The following LMBRD2 variants were observed in gnomAD, a reference collection of about 807,000 sequenced individuals.
LMBRD2 encodes the protein LMBR1 domain containing 2.
Under a neutral mutation model 94.4 loss-of-function variants are expected in LMBRD2, and 55 were observed. The ratio of observed to expected loss-of-function variants is 0.58; its 90% CI spans 0.47 to 0.73. LMBRD2 has a LOEUF of 0.73. Among genes scored for constraint, LMBRD2 ranks in the 30% least tolerant of loss-of-function variants. The probability of loss-of-function intolerance (pLI) is 0.00; values close to 1 mark genes in which losing one functional copy is unlikely to be tolerated. For synonymous variants in LMBRD2, 246 were observed against 272.4 expected (o/e 0.90, Z 0.95); for missense variants, 640 against 831.9 (o/e 0.77, Z 2.84).
intron 15 of LMBRD2, among the ~76,000 whole-genome samples, chr5:36,109,255 T>C (rs1339894422): frequency 6.6e-6 from 1 of 152,106 alleles, no homozygotes; most frequent in Non-Finnish European, 1.5e-5. Context: ...TGTAATTTCC[T>C]ATGTCCGAGA....
intron 12 of LMBRD2, 133 bp downstream of exon 12, chr5:36,114,882 T>C: frequency 1.5e-6 from 1 of 668,694 alleles, no homozygotes; most frequent in South Asian, 1.9e-5. Context: ...TAGTAATACG[T>C]ATACAATCTT....
chr5:36,105,135 C>G lies in LMBRD2; in HGVS notation c.1960G>C (p.Asp654His). 2 of 1,612,640 alleles carry G rather than the reference C, an allele frequency of 1.2e-6. No individual in the cohort carries two copies. The highest frequency in any genetic ancestry group is 1.7e-6 in the Non-Finnish European group (2 of 1,178,916). The change falls in exon 17 of 18, where the codon GAT becomes CAT. Residue 654 changes from aspartate to histidine, a missense_variant. By Grantham distance (81) the Asp-to-His change is moderately conservative (BLOSUM62 -1). This residue lies in a region of LMBRD2 where 183 missense variants were observed against 189.1 expected (regional missense o/e 0.97). Coordinates refer to ENST00000296603, the MANE Select transcript of LMBRD2 (RefSeq NM_001007527.2). ...GCATTAAAATCCAAAGGTTCTGCAT[C>G]TTGGAGAAGTTCTATCCGGTCCCTT... ...TERDRIELLQ[D>H]AEPLDFNAET...
rs144153500 is a variant in LMBRD2, at chr5:36,115,516, T to C, written c.1437-396A>G. Among the ~76,000 whole-genome samples the C allele has an allele frequency of 2.6e-3, 396 of 152,358 alleles. 1 individual carries two copies. The highest frequency in any genetic ancestry group is 9.1e-3 in the African/African-American group (380 of 41,586). ...AAAGAACTGAAGTTGTATCAACATA[T>C]GTCATTCTGACAAGCACAGATATAA... On this transcript the variant is annotated intron_variant, in intron 11 of 17. Coordinates refer to ENST00000296603, the MANE Select transcript of LMBRD2 (RefSeq NM_001007527.2).
intron 9 of LMBRD2, among the ~76,000 whole-genome samples, chr5:36,118,526 T>C (rs1328123661): frequency 6.6e-6 from 1 of 152,112 alleles, no homozygotes; most frequent in African/African-American, 2.4e-5. Context: ...AGGCATCATG[T>C]CTGGATACAA....
At chr5:36,120,571 A>T (rs1256612543) in intron 9 of LMBRD2, among the ~76,000 whole-genome samples, 1 of 152,062 alleles carries the variant, frequency 6.6e-6, no homozygotes, top group Non-Finnish European at 1.5e-5. Context: ...AAATTCTATT[A>T]TATCATTTAC....
At chr5:36,133,744 T>G (rs1401248821) in intron 6 of LMBRD2, among the ~76,000 whole-genome samples, 1 of 152,134 alleles carries the variant, frequency 6.6e-6, no homozygotes, top group Non-Finnish European at 1.5e-5. Context: ...TTAAGAATAC[T>G]ATACTAAAAT....
intron 1 of LMBRD2, among the ~76,000 whole-genome samples, 167 bp from the exon 2 acceptor site, chr5:36,143,573 A>T (rs1744468296): frequency 6.6e-6 from 1 of 152,230 alleles, no homozygotes; most frequent in Non-Finnish European, 1.5e-5. Flanking sequence ...TCCTATCCTC[A>T]AGTACTTATA....
In LMBRD2 at chr5:36,099,566, T is replaced by C. The variant is rs114282835; in HGVS notation, c.*4480A>G. On this transcript the variant is annotated 3_prime_UTR_variant, in exon 18 of 18. Transcript: ENST00000296603. ...AGTAGGCTAATAACATTTATGTCAATATCAACTCTAAATGGTGTTGTACAG... is the reference window on the plus strand; with the variant it reads ...AGTAGGCTAATAACATTTATGTCAACATCAACTCTAAATGGTGTTGTACAG... 1.1e-3 allele frequency: 175 copies of C among 152,254 alleles called. 2 individuals carry two copies. The highest frequency in any genetic ancestry group is 3.9e-3 in the African/African-American group (164 of 41,560). 9.4% of individuals were successfully genotyped at this position (152,254 alleles called of 1,614,324 possible).
At chr5:36,142,049 TA>T (rs1468995849) in intron 3 of LMBRD2, among the ~76,000 whole-genome samples, 1 of 152,234 alleles carries the variant, frequency 6.6e-6, no homozygotes, top group Non-Finnish European at 1.5e-5. Flanking sequence ...TGAACTTTAT[TA>T]ATTTTTTATG....
chr5:36,100,718 C>A lies in LMBRD2; in HGVS notation c.*3328G>T, dbSNP rs1014516701. The A allele has an allele frequency of 1.3e-5, 2 of 151,950 alleles. No individual in the cohort carries two copies. The highest frequency in any genetic ancestry group is 1.5e-5 in the Non-Finnish European group (1 of 67,972). The allele number at this position is 151,950 out of a possible 1,614,324, so 9.4% of individuals were successfully genotyped here. On this transcript the variant is annotated 3_prime_UTR_variant, in exon 18 of 18. Coordinates refer to ENST00000296603, the MANE Select transcript of LMBRD2 (RefSeq NM_001007527.2). Reference sequence around the variant, plus strand: ...TATACTTGTAATTTTTAGGCATAATCCACTCAAATCACAAGTAAGAAACTC... The same window carrying A: ...TATACTTGTAATTTTTAGGCATAATACACTCAAATCACAAGTAAGAAACTC...
chr5:36,115,251 T>A (rs1021194347), intron 11 of LMBRD2, 131 bp from the exon 12 acceptor site: 1 of 538,970 alleles, frequency 1.9e-6, no homozygotes, highest in Admixed American at 3.5e-5. Context: ...TTTATATATA[T>A]ATTGAATTCT....
chr5:36,113,093 A>T (rs559160758), intron 13 of LMBRD2, among the ~76,000 whole-genome samples: 7 of 152,264 alleles, frequency 4.6e-5, no homozygotes, highest in Admixed American at 2.0e-4. Flanking sequence ...AGAAGTAAAA[A>T]CTAAAAGGCA....
rs911775349 is a variant in LMBRD2 at position 36,151,374 on chromosome 5, C to T, written c.-58+182G>A. ...GGACCCGCTGGGGTCTCCGGCTCCC[C>T]TAAAATTAAACCATTGTCTCTCGTT... On this transcript the variant is annotated intron_variant, in intron 1 of 17. Coordinates refer to ENST00000296603, the MANE Select transcript of LMBRD2 (RefSeq NM_001007527.2). This position sits in a 1 kb window ranked among gnomAD's most constrained non-coding sequence, Gnocchi z 4.7. Among the ~76,000 whole-genome samples, 3 of 152,224 alleles carry T rather than the reference C, an allele frequency of 2.0e-5. No homozygotes were observed. The East Asian group carries it at 5.8e-4, about 29-fold the overall frequency.
At chr5:36,111,336 G>A in intron 13 of LMBRD2, 78 bp from the exon 14 acceptor site, 1 of 957,040 alleles carries the variant, frequency 1.0e-6, no homozygotes, top group Non-Finnish European at 1.6e-6. Flanking sequence ...CTTTAGCATT[G>A]TCACTCCAAA....
intron 9 of LMBRD2, among the ~76,000 whole-genome samples, chr5:36,120,734 G>A (rs1743870599): frequency 6.6e-6 from 1 of 151,994 alleles, no homozygotes; most frequent in African/African-American, 2.4e-5. Flanking sequence ...ATTACAGTCA[G>A]ACTTTTTTAT....
rs1255452428 is a variant in LMBRD2 at position 36,143,263 on chromosome 5, T to C, written c.87A>G (p.Lys29=). 1.2e-6 allele frequency: 2 copies of C among 1,612,732 alleles called. No individual in the cohort carries two copies. The highest frequency in any genetic ancestry group is 1.7e-6 in the Non-Finnish European group (2 of 1,178,794). The change falls in exon 2 of 18, where the codon AAA becomes AAG. Residue 29 remains lysine, a synonymous_variant. Coordinates refer to ENST00000296603, the MANE Select transcript of LMBRD2 (RefSeq NM_001007527.2). ...FLLHRYGDFK[K]QHRLVIIGTL... ...TTCCAATAATCACAAGTCTATGCTG[T>C]TTCTTAAAGTCTCCATATCGATGAA...
chr5:36,133,512 A>G (rs1239238330), intron 6 of LMBRD2, among the ~76,000 whole-genome samples: 1 of 152,188 alleles, frequency 6.6e-6, no homozygotes, highest in Non-Finnish European at 1.5e-5. Flanking sequence ...TGTTTGTAAC[A>G]TAAAGAAAAA....
Position 36,136,299 on chromosome 5 carries a change from A to T in LMBRD2, c.747+10T>A. On this transcript the variant is annotated intron_variant, in intron 6 of 17. Coordinates refer to ENST00000296603, the MANE Select transcript of LMBRD2 (RefSeq NM_001007527.2). ...AGTGACTATTGCTTATAAGGTTCAA[A>T]CTTGCTTACCTCCATGGCATCTTCC... 1 of 1,613,274 alleles carries T rather than the reference A, an allele frequency of 6.2e-7. No homozygotes were observed. Among genetic ancestry groups the T allele is most frequent in the South Asian group, 1.1e-5 (1 of 91,074 alleles).
intron 10 of LMBRD2, 55 bp downstream of exon 10, chr5:36,117,680 T>C (rs984410407): frequency 1.2e-5 from 15 of 1,209,348 alleles, no homozygotes; most frequent in Non-Finnish European, 1.7e-5. Flanking sequence ...AGAAAATAGT[T>C]AAGGATTATA....
Sources: gnomAD v4.1 joint callset for allele counts (sites outside exome capture counted in the v4.1 genomes callset) on GRCh38, gnomAD v4.1.1 for gene constraint, gnomAD v4.1.1 regional missense constraint, Gnocchi (gnomAD v3.1) non-coding constraint, MANE v1.5 for transcripts, NCBI Gene and HGNC (gene_info 2026-07-23, HGNC 2026-07-21) for gene names.